The following CUL5 variants were observed in gnomAD, a reference collection of about 807,000 sequenced individuals.
CUL5 encodes cullin 5.
A neutral mutation model predicts 108.8 loss-of-function variants in CUL5; 26 were observed. That is an observed-to-expected ratio of 0.24 (90% CI 0.18 to 0.33). The LOEUF (loss-of-function observed/expected upper bound fraction) is 0.33, where lower values mean the gene tolerates loss of function less well. CUL5 is among the 10% of genes least tolerant of loss of function. The probability of loss-of-function intolerance (pLI) is 1.00; values close to 1 mark genes in which losing one functional copy is unlikely to be tolerated. For synonymous variants in CUL5, 334 were observed against 298.0 expected (o/e 1.12, Z -1.25); for missense variants, 524 against 909.2 (o/e 0.58, Z 5.45).
intron 7 of CUL5, among the ~76,000 whole-genome samples, chr11:108,059,186 A>C (rs567951286): frequency 1.5e-4 from 23 of 152,304 alleles, no homozygotes; most frequent in Admixed American, 6.5e-4. Flanking sequence ...CTTTAAGCCA[A>C]AATGACTTAA....
At chr11:108,047,121 C>T (rs1863087174) in intron 3 of CUL5, among the ~76,000 whole-genome samples, 3 of 151,938 alleles carry the variant, frequency 2.0e-5, no homozygotes, top group African/African-American at 7.3e-5. Flanking sequence ...AGTTTGATAC[C>T]AGCCTGGGAA....
intron 1 of CUL5, among the ~76,000 whole-genome samples, chr11:108,029,705 TATTAA>T (rs1236549432): frequency 2.0e-5 from 3 of 152,194 alleles, no homozygotes; most frequent in Non-Finnish European, 1.5e-5. Context: ...AACAATTAAT[TATTAA>T]ATTCCTTTTA....
In CUL5 at chr11:108,107,522, T is replaced by C. The variant is rs1864830731; in HGVS notation, c.*3138T>C. 6.6e-6 allele frequency: 1 copy of C among 152,658 alleles called. No homozygotes were observed. Among genetic ancestry groups the C allele is most frequent in the African/African-American group, 2.4e-5 (1 of 41,464 alleles). The allele number at this position is 152,658 out of a possible 1,614,324, so 9.5% of individuals were successfully genotyped here. A position where few individuals can be genotyped will look rare whatever the true frequency, so the allele number is the denominator to read the frequency against. On this transcript the variant is annotated 3_prime_UTR_variant, in exon 19 of 19. Coordinates refer to ENST00000393094, the MANE Select transcript of CUL5 (RefSeq NM_003478.6). ...GAGCTTTCCTGTCATCTACACTATA[T>C]GTTGTCTGGAGTGTTGAACAAATTT...
chr11:108,075,157 G>C (rs1003795163), intron 10 of CUL5, among the ~76,000 whole-genome samples: 1 of 151,656 alleles, frequency 6.6e-6, no homozygotes, highest in Non-Finnish European at 1.5e-5. Context: ...GCTTGTCCCA[G>C]AGTGATGGTA....
At chr11:108,032,854 GT>G (rs565255189) in intron 1 of CUL5, among the ~76,000 whole-genome samples, 28 of 147,238 alleles carry the variant, frequency 1.9e-4, no homozygotes, top group African/African-American at 5.5e-4. Context: ...GTATTTTTCT[GT>G]TTTTTTTTTC....
At chr11:108,077,261 T>C (rs1863962737) in intron 10 of CUL5, among the ~76,000 whole-genome samples, 1 of 152,098 alleles carries the variant, frequency 6.6e-6, no homozygotes, top group Admixed American at 6.6e-5. Context: ...AGGAGGAGGG[T>C]GTGATCCGCT....
rs1863065064 is a variant in CUL5 at position 108,046,252 on chromosome 11, C to A, written c.135-18C>A. The A allele has an allele frequency of 4.6e-6, 7 of 1,527,146 alleles. No individual in the cohort carries two copies. The highest frequency in any genetic ancestry group is 6.3e-6 in the Non-Finnish European group (7 of 1,111,116). 94.6% of individuals were successfully genotyped at this position (1,527,146 alleles called of 1,614,324 possible). A position where few individuals can be genotyped will look rare whatever the true frequency, so the allele number is the denominator to read the frequency against. On this transcript the variant is annotated intron_variant, in intron 2 of 18. Coordinates refer to ENST00000393094, the MANE Select transcript of CUL5 (RefSeq NM_003478.6). ...TTGTTTCATTATTAATGTTTGTTTA[C>A]CTACTTTATATTCACAGGGATGTGC...
At chr11:108,058,952 C>A (rs780364229) in intron 7 of CUL5, among the ~76,000 whole-genome samples, 5 of 151,930 alleles carry the variant, frequency 3.3e-5, no homozygotes, top group Non-Finnish European at 5.9e-5. Context: ...ATGTTGACAG[C>A]AAAAAGTAAC....
At chr11:108,101,438 C>G (rs1023427838) in intron 18 of CUL5, among the ~76,000 whole-genome samples, 6 of 152,352 alleles carry the variant, frequency 3.9e-5, no homozygotes, top group Admixed American at 6.5e-5. Flanking sequence ...TTTCTAGTTG[C>G]TAAGGGCCCC....
At chr11:108,089,853 A>G (rs1171168417) in intron 13 of CUL5, among the ~76,000 whole-genome samples, 1 of 151,686 alleles carries the variant, frequency 6.6e-6, no homozygotes, top group East Asian at 2.0e-4. Context: ...TAGCCTGACC[A>G]ACATGGCAAA....
At chr11:108,068,484 T>G (rs1863744941) in intron 7 of CUL5, among the ~76,000 whole-genome samples, 1 of 152,002 alleles carries the variant, frequency 6.6e-6, no homozygotes, top group South Asian at 2.1e-4. Flanking sequence ...TCGGAAAATT[T>G]TAAGCATTTT....
intron 11 of CUL5, among the ~76,000 whole-genome samples, chr11:108,088,166 TTAACA>T (rs902464999): frequency 6.6e-6 from 1 of 152,132 alleles, no homozygotes; most frequent in African/African-American, 2.4e-5. Flanking sequence ...GTTTTAAATG[TTAACA>T]TAAATATCCA....
chr11:108,101,976 A>T (rs1864683582), intron 18 of CUL5, among the ~76,000 whole-genome samples: 1 of 152,112 alleles, frequency 6.6e-6, no homozygotes, highest in African/African-American at 2.4e-5. Context: ...GGGTGAGAGG[A>T]ATTCACTTGA....
rs552765337 is a variant in CUL5 at position 108,034,101 on chromosome 11, C to A, written c.134+190C>A. On this transcript the variant is annotated intron_variant, in intron 2 of 18. Transcript: ENST00000393094. ...TAGGGGGCTCACAGGACTGAACATA[C>A]AATCATACTCACAGCTTTGAGTCAT... Among the ~76,000 whole-genome samples, 268 of 152,228 alleles carry A rather than the reference C, an allele frequency of 1.8e-3. 1 individual carries two copies. The highest frequency in any genetic ancestry group is 3.1e-3 in the Non-Finnish European group (208 of 68,014).
chr11:108,096,709 G>A (rs934911689), intron 16 of CUL5, among the ~76,000 whole-genome samples: 2 of 151,128 alleles, frequency 1.3e-5, no homozygotes, highest in African/African-American at 4.9e-5. Flanking sequence ...TGGAATTACA[G>A]GCATGTGCCA....
At chr11:108,011,365 A>G (rs1862053184) in intron 1 of CUL5, among the ~76,000 whole-genome samples, 1 of 152,206 alleles carries the variant, frequency 6.6e-6, no homozygotes, top group Non-Finnish European at 1.5e-5. Flanking sequence ...ACTTGTGGAA[A>G]TTCTGAATCT....
chr11:108,035,037 AG>A (rs2135091017), intron 2 of CUL5, among the ~76,000 whole-genome samples: 1 of 152,170 alleles, frequency 6.6e-6, no homozygotes, highest in African/African-American at 2.4e-5. Context: ...TGACTTACTG[AG>A]GTGTGTGTGT....
intron 13 of CUL5, among the ~76,000 whole-genome samples, chr11:108,090,534 T>C (rs1237310286): frequency 3.3e-5 from 5 of 152,124 alleles, no homozygotes; most frequent in South Asian, 2.1e-4. Flanking sequence ...CAAATTATTA[T>C]ATCTTTAAGG....
At chr11:108,021,249 CG>C (rs1862320260) in intron 1 of CUL5, among the ~76,000 whole-genome samples, 1 of 152,156 alleles carries the variant, frequency 6.6e-6, no homozygotes. Context: ...ATCAGTATGG[CG>C]GGAACTTCAC....
Sources: allele counts gnomAD v4.1 joint callset (sites outside exome capture counted in the v4.1 genomes callset), GRCh38; gene constraint gnomAD v4.1.1; transcripts MANE v1.5; gene names NCBI Gene and HGNC (gene_info 2026-07-23, HGNC 2026-07-21).